RNF216: variants seen among roughly 807,000 people sequenced by gnomAD.
The protein encoded by RNF216 is ring finger protein 216, also known as E3 ubiquitin-protein ligase RNF216.
RNF216 carries 72 observed loss-of-function variants against 110.8 expected under a neutral mutation model. The ratio of observed to expected loss-of-function variants is 0.65; its 90% CI spans 0.54 to 0.79. The LOEUF (loss-of-function observed/expected upper bound fraction) is 0.79, where lower values mean the gene tolerates loss of function less well. RNF216 is among the 30% of genes least tolerant of loss of function. The pLI is 0.00. For synonymous variants in RNF216, 495 were observed against 407.5 expected, an observed-to-expected ratio of 1.21 and a Z score of -2.59; for missense variants, 1,342 against 1,141.2, an observed-to-expected ratio of 1.18 and a Z score of -2.54.
intron 13 of RNF216, among the ~76,000 whole-genome samples, chr7:5,704,996 G>C (rs757622066): frequency 1.3e-5 from 2 of 152,170 alleles, no homozygotes; most frequent in African/African-American, 4.8e-5. Flanking sequence ...ATAAAAAGAT[G>C]TGAATAAATG....
chr7:5,728,843 C>T lies in RNF216; in HGVS notation c.1389+589G>A, dbSNP rs184716240. On this transcript the variant is annotated intron_variant, in intron 7 of 16. Coordinates refer to ENST00000389902, the MANE Select transcript of RNF216 (RefSeq NM_207111.4). ...AAGCCAAGGTCTCTGCTGGTGCGTG[C>T]GCTCCTGTTCTGGCCACAGCTACAA... Among the ~76,000 whole-genome samples the T allele has an allele frequency of 5.2e-3, 792 of 152,306 alleles. 2 individuals are homozygous for T. The highest frequency in any genetic ancestry group is 0.017 in the African/African-American group (695 of 41,572).
At chr7:5,656,635 T>C (rs536817032) in intron 13 of RNF216, among the ~76,000 whole-genome samples, 2 of 152,204 alleles carry the variant, frequency 1.3e-5, no homozygotes, top group African/African-American at 2.4e-5. Flanking sequence ...CACGTCATCA[T>C]GGAGGTTGCT....
intron 15 of RNF216, among the ~76,000 whole-genome samples, chr7:5,628,232 T>C (rs1294435867): frequency 2.6e-5 from 4 of 152,198 alleles, no homozygotes; most frequent in Non-Finnish European, 4.4e-5. Flanking sequence ...CATTTGCCCT[T>C]GAGTCCTGTC....
At chr7:5,755,120 G>A (rs1795554613) in intron 2 of RNF216, among the ~76,000 whole-genome samples, 2 of 144,682 alleles carry the variant, frequency 1.4e-5, no homozygotes, top group African/African-American at 5.1e-5. Context: ...AGGAAAGGAA[G>A]GAAAGGAAAG....
chr7:5,774,902 A>C (rs1205478043), intron 1 of RNF216: 2 of 152,090 alleles, frequency 1.3e-5, no homozygotes, highest in Non-Finnish European at 2.9e-5. Context: ...GCATGTTGCC[A>C]CCATGCCCAG....
intron 1 of RNF216, among the ~76,000 whole-genome samples, chr7:5,778,889 G>T (rs368106475): frequency 6.6e-6 from 1 of 152,156 alleles, no homozygotes; most frequent in Non-Finnish European, 1.5e-5. Flanking sequence ...GATTACAGGC[G>T]CACGCCATCA....
chr7:5,755,767 A>T (rs528144289), intron 2 of RNF216, among the ~76,000 whole-genome samples: 43 of 152,148 alleles, frequency 2.8e-4, no homozygotes, highest in Non-Finnish European at 5.3e-4. Context: ...ATTCTTGTGC[A>T]AGTCTTTGGT....
intron 13 of RNF216, among the ~76,000 whole-genome samples, chr7:5,673,852 T>G (rs764840198): frequency 2.8e-5 from 4 of 143,606 alleles, no homozygotes; most frequent in Non-Finnish European, 6.0e-5. Flanking sequence ...ATCTCTCTCT[T>G]TCTCTCATTT....
At chr7:5,665,887 C>T (rs1042005143) in intron 13 of RNF216, among the ~76,000 whole-genome samples, 2 of 151,908 alleles carry the variant, frequency 1.3e-5, no homozygotes, top group African/African-American at 2.4e-5. Context: ...AGACCAAGGC[C>T]GGGCGCGGTA....
At chr7:5,710,691 A>G (rs1416580757) in intron 13 of RNF216, among the ~76,000 whole-genome samples, 1 of 152,040 alleles carries the variant, frequency 6.6e-6, no homozygotes, top group Admixed American at 6.6e-5. Context: ...AAGCGTCCAC[A>G]TTGCTGCCAC....
At chr7:5,660,606 C>T (rs927190105) in intron 13 of RNF216, among the ~76,000 whole-genome samples, 1 of 151,696 alleles carries the variant, frequency 6.6e-6, no homozygotes, top group African/African-American at 2.4e-5. Context: ...GAGACAGGGT[C>T]TCACTGTGTC....
At chr7:5,633,290 G>C (rs894471691) in intron 15 of RNF216, among the ~76,000 whole-genome samples, 1 of 151,916 alleles carries the variant, frequency 6.6e-6, no homozygotes, top group South Asian at 2.1e-4. Context: ...AGAGCTGGAA[G>C]TAAGGCCGGG....
At chr7:5,737,349 TC>T (rs1171774328) in intron 5 of RNF216, among the ~76,000 whole-genome samples, 1 of 151,954 alleles carries the variant, frequency 6.6e-6, no homozygotes, top group African/African-American at 2.4e-5. Flanking sequence ...TCATCACCAC[TC>T]CCTAATCTCA....
At chr7:5,663,586 G>GA (rs35905773) in intron 13 of RNF216, among the ~76,000 whole-genome samples, 3,105 of 80,022 alleles carry the variant, frequency 0.039, 112 homozygotes, top group African/African-American at 0.09. Flanking sequence ...TCCACCTCAG[G>GA]AAAAAAAAAA....
At chr7:5,700,845 C>T (rs903965627) in intron 13 of RNF216, among the ~76,000 whole-genome samples, 3 of 152,174 alleles carry the variant, frequency 2.0e-5, no homozygotes, top group African/African-American at 7.2e-5. Context: ...AGTGCCCTCC[C>T]AGTAGGACAA....
chr7:5,721,286 T>C, intron 8 of RNF216, 114 bp from the exon 9 acceptor site: 1 of 902,142 alleles, frequency 1.1e-6, no homozygotes, highest in Non-Finnish European at 1.7e-6. Context: ...ATGGTACGTT[T>C]CATGACTTTT....
chr7:5,764,378 T>C (rs1480055526), intron 1 of RNF216, among the ~76,000 whole-genome samples: 2 of 151,944 alleles, frequency 1.3e-5, no homozygotes, highest in Non-Finnish European at 2.9e-5. Flanking sequence ...CTGGGCTTGG[T>C]GGCTCACACC....
chr7:5,656,133 G>A (rs1299894857), intron 13 of RNF216, among the ~76,000 whole-genome samples: 1 of 152,158 alleles, frequency 6.6e-6, no homozygotes, highest in African/African-American at 2.4e-5. Context: ...GCCGGGCATG[G>A]TGGCGGGCTT....
At chr7:5,769,492 G>A (rs1252264069) in intron 1 of RNF216, among the ~76,000 whole-genome samples, 3 of 150,904 alleles carry the variant, frequency 2.0e-5, no homozygotes, top group African/African-American at 7.3e-5. Context: ...GGAGTCTGAG[G>A]TGGGCGGACT....
Sources: gnomAD v4.1 joint callset for allele counts (sites outside exome capture counted in the v4.1 genomes callset) on GRCh38, gnomAD v4.1.1 for gene constraint, MANE v1.5 for transcripts, NCBI Gene and HGNC (gene_info 2026-07-23, HGNC 2026-07-21) for gene names.